The following IL1RAPL2 variants were observed in gnomAD, a reference collection of about 807,000 sequenced individuals.
The protein encoded by IL1RAPL2 is X-linked interleukin-1 receptor accessory protein-like 2.
A neutral mutation model predicts 44.1 loss-of-function variants in IL1RAPL2; 3 were observed. The observed-to-expected ratio is 0.07, with a 90% CI of 0.03 to 0.18. The LOEUF is 0.18. Among genes scored for constraint, IL1RAPL2 ranks in the 10% least tolerant of loss-of-function variants. The probability of loss-of-function intolerance (pLI) is 1.00; values close to 1 mark genes in which losing one functional copy is unlikely to be tolerated. For missense variants in IL1RAPL2, 391 were observed against 496.4 expected (o/e 0.79, Z 2.02); for synonymous variants, 181 against 178.8 (o/e 1.01, Z -0.10).
chrX:105,072,848 C>G (rs1488012367), intron 2 of IL1RAPL2, among the ~76,000 whole-genome samples: 2 of 108,145 alleles, frequency 1.8e-5, no homozygotes, highest in Non-Finnish European at 3.8e-5. Flanking sequence ...ACACATGGAA[C>G]AATGAATCCA....
intron 2 of IL1RAPL2, among the ~76,000 whole-genome samples, chrX:104,891,642 T>C (rs1416254263): frequency 8.9e-6 from 1 of 112,288 alleles, no homozygotes; most frequent in Non-Finnish European, 1.9e-5. Flanking sequence ...GCACATTGAT[T>C]TTGTATCCTG....
chrX:105,040,107 T>A (rs2031700649), intron 2 of IL1RAPL2, among the ~76,000 whole-genome samples: 1 of 111,517 alleles, frequency 9.0e-6, no homozygotes, highest in African/African-American at 3.3e-5. Flanking sequence ...TTGAATTTTG[T>A]CAAAGGCCTT....
intron 2 of IL1RAPL2, among the ~76,000 whole-genome samples, chrX:104,907,783 A>T (rs1229115213): frequency 1.8e-5 from 2 of 110,565 alleles, no homozygotes; most frequent in Non-Finnish European, 3.8e-5. Context: ...TATTCTGTTG[A>T]TTTGGGGTGG....
chrX:105,056,200 T>C (rs2031991029), intron 2 of IL1RAPL2, among the ~76,000 whole-genome samples: 1 of 111,716 alleles, frequency 9.0e-6, no homozygotes, highest in Non-Finnish European at 1.9e-5. Context: ...CTCACCTCCA[T>C]ATACTGGAAG....
intron 8 of IL1RAPL2, among the ~76,000 whole-genome samples, chrX:105,745,598 C>G (rs762417635): frequency 3.6e-5 from 4 of 112,098 alleles, no homozygotes; most frequent in Non-Finnish European, 7.5e-5. Flanking sequence ...CAGGTTTCCT[C>G]AGGCATCTCT....
chrX:105,553,226 G>GT (rs2036871752), intron 6 of IL1RAPL2, among the ~76,000 whole-genome samples: 2 of 111,507 alleles, frequency 1.8e-5, no homozygotes, highest in South Asian at 7.5e-4. Flanking sequence ...ATGGCCCAAA[G>GT]GATTATGAGT....
intron 5 of IL1RAPL2, among the ~76,000 whole-genome samples, chrX:105,309,127 C>T (rs1480758398): frequency 4.5e-5 from 5 of 110,147 alleles, no homozygotes; most frequent in Non-Finnish European, 9.5e-5. Flanking sequence ...CTCCGCCTCT[C>T]GGGTTCAAGT....
intron 1 of IL1RAPL2, among the ~76,000 whole-genome samples, chrX:104,607,324 C>T (rs990040884): frequency 5.4e-5 from 6 of 111,929 alleles, no homozygotes; most frequent in African/African-American, 1.9e-4. Context: ...AGGACATAGG[C>T]ATGCACAAAG....
intron 2 of IL1RAPL2, among the ~76,000 whole-genome samples, chrX:104,756,023 G>A (rs944338533): frequency 9.0e-6 from 1 of 111,466 alleles, no homozygotes; most frequent in South Asian, 3.7e-4. Flanking sequence ...CTATGCAAGA[G>A]TCATGTGAAA....
At chrX:105,718,106 A>G (rs781435650) in intron 7 of IL1RAPL2, among the ~76,000 whole-genome samples, 1 of 111,807 alleles carries the variant, frequency 8.9e-6, no homozygotes, top group Non-Finnish European at 1.9e-5. Context: ...TACAAAAAAG[A>G]TATAAAAATA....
chrX:104,672,833 T>G (rs1394121291), intron 2 of IL1RAPL2, among the ~76,000 whole-genome samples: 2 of 111,672 alleles, frequency 1.8e-5, no homozygotes, highest in Non-Finnish European at 3.8e-5. Context: ...TGATTTGCAT[T>G]TCTCTGATGA....
chrX:105,030,170 G>A (rs1490880729), intron 2 of IL1RAPL2, among the ~76,000 whole-genome samples: 4 of 111,335 alleles, frequency 3.6e-5, no homozygotes, highest in East Asian at 2.8e-4. Context: ...AGTAGGTTGC[G>A]AAAATTTTCT....
chrX:105,545,158 C>T (rs971738646), intron 6 of IL1RAPL2, among the ~76,000 whole-genome samples: 1 of 111,804 alleles, frequency 8.9e-6, no homozygotes, highest in Non-Finnish European at 1.9e-5. Context: ...TTCCGTTGCT[C>T]TACATTTCTT....
intron 6 of IL1RAPL2, among the ~76,000 whole-genome samples, chrX:105,566,020 G>A (rs2036972065): frequency 9.0e-6 from 1 of 111,117 alleles, no homozygotes; most frequent in South Asian, 3.8e-4. Context: ...GTCCTAACTT[G>A]GCTTATAGTG....
chrX:104,673,451 A>C (rs1266598271), intron 2 of IL1RAPL2, among the ~76,000 whole-genome samples: 1 of 110,870 alleles, frequency 9.0e-6, no homozygotes, highest in African/African-American at 3.3e-5. Context: ...TGTTCTATTG[A>C]TCTATATCTC....
At chrX:104,613,203 G>A (rs1327579117) in intron 1 of IL1RAPL2, among the ~76,000 whole-genome samples, 1 of 111,220 alleles carries the variant, frequency 9.0e-6, no homozygotes, top group Non-Finnish European at 1.9e-5. Context: ...GGACTATAAT[G>A]AATGGGAGAG....
At chrX:105,027,191 A>G (rs1184709118) in intron 2 of IL1RAPL2, among the ~76,000 whole-genome samples, 1 of 111,747 alleles carries the variant, frequency 8.9e-6, no homozygotes, top group African/African-American at 3.2e-5. Context: ...ATAAAGACTT[A>G]AATCTAAGAC....
intron 2 of IL1RAPL2, among the ~76,000 whole-genome samples, chrX:105,187,279 T>TA (rs1556134422): frequency 8.9e-6 from 1 of 112,404 alleles, no homozygotes. Flanking sequence ...CTATTTTATT[T>TA]AAACAATAGA....
chrX:105,383,300 C>T (rs908418047), intron 5 of IL1RAPL2, among the ~76,000 whole-genome samples: 1 of 111,130 alleles, frequency 9.0e-6, no homozygotes, highest in Non-Finnish European at 1.9e-5. Flanking sequence ...TCATTCTATT[C>T]TCTATCTACA....
Sources: gnomAD v4.1 joint callset for allele counts (sites outside exome capture counted in the v4.1 genomes callset) on GRCh38, gnomAD v4.1.1 for gene constraint, MANE v1.5 for transcripts, NCBI Gene and HGNC (gene_info 2026-07-23, HGNC 2026-07-21) for gene names.